The following STXBP5L variants were observed in gnomAD, a reference collection of about 807,000 sequenced individuals.
STXBP5L encodes syntaxin binding protein 5L, also known as syntaxin-binding protein 5-like.
Under a neutral mutation model 144.5 loss-of-function variants are expected in STXBP5L, and 65 were observed. That is an observed-to-expected ratio of 0.45 (90% CI 0.37 to 0.55). The LOEUF (loss-of-function observed/expected upper bound fraction) is 0.55, where lower values mean the gene tolerates loss of function less well. Among genes scored for constraint, STXBP5L ranks in the 20% least tolerant of loss-of-function variants. The probability of loss-of-function intolerance (pLI) is 0.00; values close to 1 mark genes in which losing one functional copy is unlikely to be tolerated. For missense variants in STXBP5L, 1,298 were observed against 1,405.5 expected (o/e 0.92, Z 1.22); for synonymous variants, 505 against 469.6 (o/e 1.08, Z -0.97).
At chr3:121,197,937 A>G (rs1356331831) in intron 9 of STXBP5L, among the ~76,000 whole-genome samples, 1 of 152,192 alleles carries the variant, frequency 6.6e-6, no homozygotes, top group Admixed American at 6.5e-5. Flanking sequence ...GCTATTGTGA[A>G]TAGTGCTGCA....
chr3:120,910,441 A>G (rs1451330555), intron 2 of STXBP5L, among the ~76,000 whole-genome samples: 3 of 152,184 alleles, frequency 2.0e-5, no homozygotes, highest in Non-Finnish European at 4.4e-5. Context: ...TAAAACAAGC[A>G]TTAGGTTAAT....
intron 6 of STXBP5L, among the ~76,000 whole-genome samples, chr3:121,120,319 A>G (rs181851394): frequency 1.9e-4 from 29 of 151,402 alleles, no homozygotes; most frequent in African/African-American, 6.7e-4. Context: ...GAATTTATGT[A>G]TAAATGATAT....
chr3:121,329,555 G>C lies in STXBP5L; in HGVS notation c.2176+11015G>C, dbSNP rs981508405. ...GTTCTATCATGGAAATACTCAAACA[G>C]TTAGAATGTCAAGAATGTAGTAGGG... On this transcript the variant is annotated intron_variant, in intron 20 of 26. Coordinates refer to ENST00000471454, the MANE Select transcript of STXBP5L (RefSeq NM_001308330.2). Among the ~76,000 whole-genome samples the C allele has an allele frequency of 4.6e-5, 7 of 152,322 alleles. 1 individual carries two copies. In the South Asian group the frequency reaches 1.4e-3, roughly 32 times the overall value.
chr3:121,332,912 A>T (rs1032241654), intron 20 of STXBP5L, among the ~76,000 whole-genome samples: 1 of 152,172 alleles, frequency 6.6e-6, no homozygotes, highest in African/African-American at 2.4e-5. Context: ...GAAGGGATTC[A>T]GGCTTTATCT....
intron 5 of STXBP5L, among the ~76,000 whole-genome samples, chr3:121,060,885 C>T (rs543246622): frequency 3.1e-4 from 47 of 152,140 alleles, no homozygotes; most frequent in Non-Finnish European, 2.4e-4. Flanking sequence ...GTCTGGCTAG[C>T]GGTCTATCTA....
intron 26 of STXBP5L, 34 bp from the exon 27 acceptor site, chr3:121,419,022 T>C: frequency 6.2e-7 from 1 of 1,603,332 alleles, no homozygotes; most frequent in African/African-American, 1.3e-5. Context: ...TTAAAGTATT[T>C]TAGCGTCTTA....
At chr3:121,280,010 A>G (rs530834927) in intron 19 of STXBP5L, 54 bp downstream of exon 19, 2 of 1,566,212 alleles carry the variant, frequency 1.3e-6, no homozygotes, top group Non-Finnish European at 1.7e-6. Context: ...CTGTGTTCTT[A>G]TTTTTAGATT....
chr3:121,187,671 G>A (rs1273208194), intron 9 of STXBP5L, among the ~76,000 whole-genome samples: 1 of 151,728 alleles, frequency 6.6e-6, no homozygotes, highest in African/African-American at 2.4e-5. Context: ...ATAAAGACAT[G>A]ATCAAATTCA....
At chr3:121,400,402 A>C (rs2046842852) in intron 22 of STXBP5L, among the ~76,000 whole-genome samples, 1 of 152,198 alleles carries the variant, frequency 6.6e-6, no homozygotes, top group Non-Finnish European at 1.5e-5. Flanking sequence ...TGGTGACTCT[A>C]GCATGTGATC....
chr3:121,356,397 G>A (rs1014391011), intron 20 of STXBP5L, among the ~76,000 whole-genome samples: 28 of 152,236 alleles, frequency 1.8e-4, no homozygotes, highest in Non-Finnish European at 2.9e-4. Context: ...CTCAGCAATG[G>A]CGGATGCCCC....
intron 22 of STXBP5L, among the ~76,000 whole-genome samples, chr3:121,395,748 A>G (rs1328651654): frequency 2.0e-5 from 3 of 152,236 alleles, no homozygotes; most frequent in Admixed American, 6.5e-5. Flanking sequence ...AGCTACCATT[A>G]AATTACTCAT....
chr3:121,215,900 C>A (rs1559874886), intron 10 of STXBP5L, among the ~76,000 whole-genome samples: 1 of 152,172 alleles, frequency 6.6e-6, no homozygotes, highest in South Asian at 2.1e-4. Context: ...TTTGTTCATT[C>A]CTTTTCATTC....
intron 3 of STXBP5L, among the ~76,000 whole-genome samples, chr3:120,958,745 G>A (rs963555179): frequency 1.2e-4 from 19 of 152,104 alleles, no homozygotes; most frequent in African/African-American, 3.4e-4. Context: ...GGTATTGATG[G>A]GACGTATCTC....
At chr3:121,110,670 C>T (rs2043940435) in intron 5 of STXBP5L, among the ~76,000 whole-genome samples, 1 of 152,118 alleles carries the variant, frequency 6.6e-6, no homozygotes, top group South Asian at 2.1e-4. Flanking sequence ...TTTTGTCTTT[C>T]ATTTCGACCT....
chr3:121,041,735 A>G lies in STXBP5L; in HGVS notation c.323A>G (p.His108Arg). The change falls in exon 4 of 27, where the codon CAT becomes CGT. Residue 108 changes from histidine (H) to arginine (R), a missense_variant. Physicochemically the swap from His to Arg is conservative, Grantham distance 29. Transcript: ENST00000471454. ...CCTGGTGTTGATTGCTATTGCCAACATGAAAGTGGTGCAGCTGTCCTACAG... is the reference window on the plus strand; with the variant it reads ...CCTGGTGTTGATTGCTATTGCCAACGTGAAAGTGGTGCAGCTGTCCTACAG... ...GRPGVDCYCQ[H>R]ESGAAVLQLQ... 2 of 1,612,928 alleles carry G rather than the reference A, an allele frequency of 1.2e-6. No individual in the cohort carries two copies. Among genetic ancestry groups the G allele is most frequent in the East Asian group, 2.2e-5 (1 of 44,764 alleles).
At chr3:120,951,868 C>T (rs570382871) in intron 2 of STXBP5L, among the ~76,000 whole-genome samples, 15 of 152,000 alleles carry the variant, frequency 9.9e-5, no homozygotes, top group Middle Eastern at 3.4e-3. Context: ...ATGTTTATTG[C>T]GGCACTATTC....
At chr3:121,406,307 C>T (rs2046992532) in intron 22 of STXBP5L, among the ~76,000 whole-genome samples, 1 of 152,000 alleles carries the variant, frequency 6.6e-6, no homozygotes, top group African/African-American at 2.4e-5. Flanking sequence ...TTTGTAAGTA[C>T]TTTCTAAATG....
chr3:120,938,785 C>G (rs1353424167), intron 2 of STXBP5L, among the ~76,000 whole-genome samples: 1 of 152,076 alleles, frequency 6.6e-6, no homozygotes, highest in Admixed American at 6.6e-5. Flanking sequence ...CTTTCTTTTT[C>G]TTTTTTCTTC....
intron 22 of STXBP5L, among the ~76,000 whole-genome samples, chr3:121,398,121 A>G (rs977372004): frequency 6.6e-5 from 10 of 152,200 alleles, no homozygotes; most frequent in Non-Finnish European, 1.0e-4. Flanking sequence ...GAGCTGTGCC[A>G]TGTGCTCTCC....
Sources: allele counts gnomAD v4.1 joint callset (sites outside exome capture counted in the v4.1 genomes callset), GRCh38; gene constraint gnomAD v4.1.1; transcripts MANE v1.5; gene names NCBI Gene and HGNC (gene_info 2026-07-23, HGNC 2026-07-21).